ATP6V1E2: variants seen among roughly 807,000 people sequenced by gnomAD.
ATP6V1E2 encodes ATPase H+ transporting V1 subunit E2, also known as V-type proton ATPase subunit E 2.
For synonymous variants in ATP6V1E2, 121 were observed against 104.2 expected (o/e 1.16, Z -0.98); for missense variants, 308 against 273.3 (o/e 1.13, Z -0.90).
chr2:46,523,412 A>G (rs973733081), intron 4 of ATP6V1E2, among the ~76,000 whole-genome samples: 10 of 152,234 alleles, frequency 6.6e-5, no homozygotes, highest in African/African-American at 2.2e-4. Context: ...TAATTTTTAC[A>G]TAAGGTGTAA....
chr2:46,533,568 C>T (rs1213084538), intron 4 of ATP6V1E2, among the ~76,000 whole-genome samples: 1 of 152,138 alleles, frequency 6.6e-6, no homozygotes, highest in Non-Finnish European at 1.5e-5. Context: ...GCCACCATAC[C>T]CGGCCAAGGT....
In ATP6V1E2 at chr2:46,535,544, C is replaced by G. The variant is rs1408128387; in HGVS notation, c.-102+269G>C. ...CCACTTTCAATACCATTGCTTTCAC[C>G]AAACCCTAGACAACTCATGTGTACA... is the stretch of plus-strand genomic sequence containing the variant. On this transcript the variant is annotated intron_variant, in intron 4 of 4. Transcript: ENST00000522587. The surrounding 1 kb of genome is among the most constrained non-coding windows in gnomAD (Gnocchi z 4.4). The G allele has an allele frequency of 1.3e-5, 2 of 152,208 alleles. No homozygotes were observed. The highest frequency in any genetic ancestry group is 3.9e-4 in the East Asian group (2 of 5,190). The allele number at this position is 152,208 out of a possible 1,614,324, so 9.4% of individuals were successfully genotyped here. A position where few individuals can be genotyped will look rare whatever the true frequency, so the allele number is the denominator to read the frequency against.
At chr2:46,516,117 T>A (rs1687700771) in intron 4 of ATP6V1E2, among the ~76,000 whole-genome samples, 1 of 152,100 alleles carries the variant, frequency 6.6e-6, no homozygotes, top group South Asian at 2.1e-4. Flanking sequence ...ATGGAGAGAA[T>A]ATCCAGACAG....
At chr2:46,514,298 A>AAAG (rs933630370) in intron 4 of ATP6V1E2, among the ~76,000 whole-genome samples, 4 of 151,824 alleles carry the variant, frequency 2.6e-5, no homozygotes, top group Non-Finnish European at 4.4e-5. Flanking sequence ...AAATAAATAA[A>AAAG]AAGAAAAAAG....
In ATP6V1E2 at chr2:46,512,460, C is replaced by T. The variant is rs768393807; in HGVS notation, c.252G>A (p.Leu84=). 1 of 1,614,082 alleles carries T rather than the reference C, an allele frequency of 6.2e-7. No homozygotes were observed. The highest frequency in any genetic ancestry group is 2.2e-5 in the East Asian group (1 of 44,904). Residue 84 remains leucine, a synonymous_variant, in exon 5 of 5, where the codon CTG becomes CTA. Coordinates refer to ENST00000522587, the MANE Select transcript of ATP6V1E2 (RefSeq NM_001318063.2). ...TMRNQARLKV[L]RARNDLISDL... is the part of the protein sequence containing the mutation. ...CTGAGATGAGGTCATTTCGGGCTCT[C>T]AGGACTTTCAGCCTCGCCTGATTCC...
intron 2 of ATP6V1E2, among the ~76,000 whole-genome samples, chr2:46,539,164 C>T (rs1667595308): frequency 6.6e-6 from 1 of 152,204 alleles, no homozygotes; most frequent in African/African-American, 2.4e-5. Context: ...CCAATAGATA[C>T]TCTCTACAAA....
chr2:46,538,121 C>T (rs1558671643), intron 2 of ATP6V1E2, among the ~76,000 whole-genome samples: 1 of 152,178 alleles, frequency 6.6e-6, no homozygotes, highest in Admixed American at 6.5e-5. Context: ...TCCCTGAAAC[C>T]CACTGCCTCC....
intron 4 of ATP6V1E2, among the ~76,000 whole-genome samples, chr2:46,516,543 A>G (rs376081000): frequency 2.0e-5 from 3 of 152,192 alleles, no homozygotes; most frequent in African/African-American, 7.2e-5. Context: ...GTAATAAGCT[A>G]ATGAGGTGCC....
chr2:46,539,236 G>A (rs1041770194), intron 2 of ATP6V1E2, among the ~76,000 whole-genome samples: 8 of 152,152 alleles, frequency 5.3e-5, no homozygotes, highest in South Asian at 2.1e-4. Flanking sequence ...CCAAATACCC[G>A]GGACCATAAC....
chr2:46,540,613 CTTTTTTTTTTT>C (rs59810518), intron 2 of ATP6V1E2, among the ~76,000 whole-genome samples: 44 of 115,666 alleles, frequency 3.8e-4, no homozygotes, highest in African/African-American at 8.8e-4. Context: ...TTTTCTGTAA[CTTTTTTTTTTT>C]TTTTTTTTTT....
intron 2 of ATP6V1E2, among the ~76,000 whole-genome samples, chr2:46,540,953 A>C (rs1035467746): frequency 1.3e-5 from 2 of 152,200 alleles, no homozygotes; most frequent in Admixed American, 6.5e-5. Flanking sequence ...CTCTTAGCTC[A>C]CATTTATAGA....
chr2:46,513,546 C>G (rs935075469), intron 4 of ATP6V1E2, among the ~76,000 whole-genome samples: 1 of 152,206 alleles, frequency 6.6e-6, no homozygotes, highest in Non-Finnish European at 1.5e-5. Flanking sequence ...AACTTTATGG[C>G]TGGGCGCAGT....
At chr2:46,538,697 C>A (rs1038546329) in intron 2 of ATP6V1E2, among the ~76,000 whole-genome samples, 1 of 151,974 alleles carries the variant, frequency 6.6e-6, no homozygotes, top group African/African-American at 2.4e-5. Context: ...GCTATATTTC[C>A]TTGGACTGGC....
chr2:46,514,424 C>T (rs181963110), intron 4 of ATP6V1E2, among the ~76,000 whole-genome samples: 149 of 151,774 alleles, frequency 9.8e-4, no homozygotes, highest in Non-Finnish European at 1.8e-3. Flanking sequence ...CTCAACAAGC[C>T]CAGGAAAATG....
intron 4 of ATP6V1E2, among the ~76,000 whole-genome samples, chr2:46,521,547 G>C (rs1666626192): frequency 6.6e-6 from 1 of 152,142 alleles, no homozygotes; most frequent in African/African-American, 2.4e-5. Flanking sequence ...GGAGGAGAAG[G>C]GGCTTTCCAG....
rs34450819 is a variant in ATP6V1E2 at position 46,542,195 on chromosome 2, ATTTT to A, written c.-374+18_-374+21del. On this transcript the variant is annotated intron_variant, in intron 1 of 4. Transcript: ENST00000522587. ...ACCGCCACCACCCCACGCGCCTTAA[ATTTT>A]TTTTTTTTTTTTTTTACCCTTTTGG... 2.1e-5 allele frequency: 3 copies of A among 141,128 alleles called. No individual in the cohort carries two copies. Among genetic ancestry groups the A allele is most frequent in the Non-Finnish European group, 3.1e-5 (2 of 64,932 alleles). The allele number at this position is 141,128 out of a possible 1,614,324, so 8.7% of individuals were successfully genotyped here.
At chr2:46,519,046 C>T (rs1666468836) in intron 4 of ATP6V1E2, 1 of 152,230 alleles carries the variant, frequency 6.6e-6, no homozygotes. Flanking sequence ...TTGCTTCCTT[C>T]TTTGTACAGA....
At chr2:46,539,181 A>G (rs1667596263) in intron 2 of ATP6V1E2, among the ~76,000 whole-genome samples, 1 of 152,242 alleles carries the variant, frequency 6.6e-6, no homozygotes, top group Non-Finnish European at 1.5e-5. Flanking sequence ...CAAAGTTTAC[A>G]AGGTTGTTTG....
At chr2:46,539,158 T>C (rs1269548257) in intron 2 of ATP6V1E2, among the ~76,000 whole-genome samples, 2 of 152,194 alleles carry the variant, frequency 1.3e-5, no homozygotes, top group South Asian at 2.1e-4. Flanking sequence ...GACAAACCAA[T>C]AGATACTCTC....
Sources: allele counts gnomAD v4.1 joint callset (sites outside exome capture counted in the v4.1 genomes callset), GRCh38; gene constraint gnomAD v4.1.1; non-coding constraint Gnocchi (gnomAD v3.1); transcripts MANE v1.5; gene names NCBI Gene and HGNC (gene_info 2026-07-23, HGNC 2026-07-21).